NEGR1: variants seen among roughly 807,000 people sequenced by gnomAD.
NEGR1 encodes the protein neuronal growth regulator 1, also known as IgLON family member 4.
A neutral mutation model predicts 40.9 loss-of-function variants in NEGR1; 10 were observed. That is an observed-to-expected ratio of 0.24 (90% CI 0.15 to 0.42). The LOEUF is 0.42. Among genes scored for constraint, NEGR1 ranks in the 10% least tolerant of loss-of-function variants. NEGR1 has a pLI of 1.00. For missense variants in NEGR1, 352 were observed against 438.9 expected, an observed-to-expected ratio of 0.80 and a Z score of 1.77; for synonymous variants, 185 against 166.8, an observed-to-expected ratio of 1.11 and a Z score of -0.84.
At chr1:72,170,160 C>T (rs1651909655) in intron 1 of NEGR1, among the ~76,000 whole-genome samples, 1 of 152,120 alleles carries the variant, frequency 6.6e-6, no homozygotes. Flanking sequence ...CCACAGCGCT[C>T]AGGGCTCATA....
intron 4 of NEGR1, among the ~76,000 whole-genome samples, chr1:71,626,374 A>G (rs12740828): frequency 9.0e-5 from 6 of 66,564 alleles, no homozygotes; most frequent in Middle Eastern, 0.01. Context: ...CCCCGACCCC[A>G]CAACAGGCCC....
intron 1 of NEGR1, among the ~76,000 whole-genome samples, chr1:71,964,638 C>A (rs181030970): frequency 6.6e-6 from 1 of 152,268 alleles, no homozygotes. Context: ...GTGTTCTCTG[C>A]ATGAGTTTAT....
At position 71,396,056 on chromosome 1, in the gene NEGR1, A is replaced by G. The variant is rs1030459628; in HGVS notation, c.*11390T>C. 1 of 152,160 alleles carries G rather than the reference A, an allele frequency of 6.6e-6. No homozygotes were observed. Among genetic ancestry groups the G allele is most frequent in the East Asian group, 1.9e-4 (1 of 5,192 alleles). 9.4% of individuals were successfully genotyped at this position (152,160 alleles called of 1,614,324 possible). Reference sequence around the variant, plus strand: ...TTGCTTTTTATGATAGATCCAGGCAACAGGAAACACACATGCACACACACA... The same window carrying G: ...TTGCTTTTTATGATAGATCCAGGCAGCAGGAAACACACATGCACACACACA... On this transcript the variant is annotated 3_prime_UTR_variant, in exon 7 of 7. Transcript: ENST00000357731.
rs889292110 is a variant in NEGR1 at position 71,692,771 on chromosome 1, G to A, written c.667+5237C>T. On this transcript the variant is annotated intron_variant, in intron 4 of 6. Coordinates refer to ENST00000357731, the MANE Select transcript of NEGR1 (RefSeq NM_173808.3). ...CGTGCATATTTGCATAAATGAATAC[G>A]TAGCAGATGCAAAATAATGCACAAA... Among the ~76,000 whole-genome samples, 81 of 151,754 alleles carry A rather than the reference G, an allele frequency of 5.3e-4. 1 individual carries two copies. The highest frequency in any genetic ancestry group is 3.2e-4 in the Non-Finnish European group (22 of 67,780).
At chr1:71,577,585 T>C (rs1649004774) in intron 6 of NEGR1, among the ~76,000 whole-genome samples, 1 of 152,202 alleles carries the variant, frequency 6.6e-6, no homozygotes, top group Non-Finnish European at 1.5e-5. Context: ...TCTAGCTATA[T>C]ACATGCACAT....
intron 2 of NEGR1, among the ~76,000 whole-genome samples, chr1:71,820,140 C>T (rs1658373223): frequency 6.6e-6 from 1 of 151,864 alleles, no homozygotes; most frequent in Admixed American, 6.6e-5. Context: ...AATTCTGACC[C>T]ACAGATGGTT....
chr1:71,750,143 G>A (rs978283720), intron 3 of NEGR1, among the ~76,000 whole-genome samples: 3 of 151,958 alleles, frequency 2.0e-5, no homozygotes, highest in South Asian at 2.1e-4. Context: ...ACAGGCGCCC[G>A]CCACCGCGCC....
Position 71,935,155 on chromosome 1 carries a change from T to C in NEGR1, c.333A>G (p.Thr111=). The C allele has an allele frequency of 6.2e-7, 1 of 1,613,908 alleles. No homozygotes were observed. The highest frequency in any genetic ancestry group is 8.5e-7 in the Non-Finnish European group (1 of 1,179,818). ...CAGAACACGTGTATGGGCCATCATC[T>C]GTCACATCTACATTCTGTATCTGGA... The part of the protein sequence containing the change: ...YSLQIQNVDV[T]DDGPYTCSVQ... The change falls in exon 2 of 7, where the codon ACA becomes ACG. Residue 111 remains threonine, a synonymous_variant. Transcript: ENST00000357731.
At chr1:71,495,027 T>G (rs1436075835) in intron 6 of NEGR1, among the ~76,000 whole-genome samples, 1 of 152,212 alleles carries the variant, frequency 6.6e-6, no homozygotes, top group Non-Finnish European at 1.5e-5. Flanking sequence ...TTCCTTATGA[T>G]TTGTACTAAT....
At chr1:72,160,979 A>G (rs1415878700) in intron 1 of NEGR1, among the ~76,000 whole-genome samples, 1 of 152,178 alleles carries the variant, frequency 6.6e-6, no homozygotes, top group African/African-American at 2.4e-5. Context: ...ATTCTGTGAA[A>G]TAACCCAGAA....
chr1:71,815,599 G>A (rs1051602041), intron 2 of NEGR1, among the ~76,000 whole-genome samples: 4 of 151,994 alleles, frequency 2.6e-5, no homozygotes, highest in African/African-American at 9.7e-5. Flanking sequence ...GCTGTATTGA[G>A]TGCATATATA....
intron 6 of NEGR1, among the ~76,000 whole-genome samples, chr1:71,532,148 C>A (rs1290549976): frequency 6.6e-6 from 1 of 151,520 alleles, no homozygotes; most frequent in African/African-American, 2.4e-5. Flanking sequence ...AAATAGCCAG[C>A]AGCCAACATT....
intron 1 of NEGR1, among the ~76,000 whole-genome samples, chr1:72,183,694 G>A (rs1476123131): frequency 6.6e-6 from 1 of 152,058 alleles, no homozygotes; most frequent in African/African-American, 2.4e-5. Flanking sequence ...AACTTGAAGA[G>A]CTCAATATTT....
rs1280470898 is a variant in NEGR1 at position 71,793,154 on chromosome 1, T to G, written c.410-16857A>C. Among the ~76,000 whole-genome samples, 9 of 143,652 alleles carry G rather than the reference T, an allele frequency of 6.3e-5. No individual in the cohort carries two copies. In the South Asian group the frequency reaches 1.6e-3, roughly 25 times the overall value. 94.2% of individuals were successfully genotyped at this position (143,652 alleles called of 152,430 possible). ...GAACTAGTCTCTAGAGAATATGGGCTGCCTGTAGGAACAATTGATTGGGAT... is the reference window on the plus strand; with the variant it reads ...GAACTAGTCTCTAGAGAATATGGGCGGCCTGTAGGAACAATTGATTGGGAT... On this transcript the variant is annotated intron_variant, in intron 2 of 6. Transcript: ENST00000357731.
At chr1:72,122,033 T>G (rs1352329169) in intron 1 of NEGR1, among the ~76,000 whole-genome samples, 1 of 151,960 alleles carries the variant, frequency 6.6e-6, no homozygotes. Flanking sequence ...AAAAAGAGAT[T>G]TACCCTAAAA....
chr1:71,642,891 G>A (rs1461926949), intron 4 of NEGR1, among the ~76,000 whole-genome samples: 4 of 151,840 alleles, frequency 2.6e-5, no homozygotes, highest in Admixed American at 6.6e-5. Flanking sequence ...AGAGTCCCAG[G>A]CAGGTAGTTA....
intron 1 of NEGR1, among the ~76,000 whole-genome samples, chr1:72,263,413 A>G (rs1655527974): frequency 6.6e-6 from 1 of 151,610 alleles, no homozygotes; most frequent in African/African-American, 2.4e-5. Context: ...CATCATGTAG[A>G]TGGATAAGCA....
chr1:72,271,138 C>G (rs964420264), intron 1 of NEGR1, among the ~76,000 whole-genome samples: 1 of 151,766 alleles, frequency 6.6e-6, no homozygotes, highest in African/African-American at 2.4e-5. Flanking sequence ...TGAACAATTT[C>G]AATAAAACTA....
At chr1:71,733,246 A>C (rs1339718259) in intron 3 of NEGR1, among the ~76,000 whole-genome samples, 1 of 152,152 alleles carries the variant, frequency 6.6e-6, no homozygotes, top group African/African-American at 2.4e-5. Flanking sequence ...TGCTCTTTGG[A>C]GAAAGAAATA....
Sources: allele counts gnomAD v4.1 joint callset (sites outside exome capture counted in the v4.1 genomes callset), GRCh38; gene constraint gnomAD v4.1.1; transcripts MANE v1.5; gene names NCBI Gene and HGNC (gene_info 2026-07-23, HGNC 2026-07-21).